MYO15A: variants seen among roughly 807,000 people sequenced by gnomAD.
The protein encoded by MYO15A is unconventional myosin-XV.
MYO15A carries 308 observed loss-of-function variants against 394.6 expected under a neutral mutation model. That is an observed-to-expected ratio of 0.78 (90% CI 0.71 to 0.86). The LOEUF (loss-of-function observed/expected upper bound fraction) is 0.86. Ranked by LOEUF, MYO15A falls within the 40% of genes least tolerant of loss-of-function variation. The pLI is 0.00. For synonymous variants in MYO15A, 1,957 were observed against 2,003.8 expected, an observed-to-expected ratio of 0.98 and a Z score of 0.62; for missense variants, 4,606 against 4,799.1, an observed-to-expected ratio of 0.96 and a Z score of 1.19.
intron 3 of MYO15A, 185 bp downstream of exon 3, chr17:18,124,750 T>A (rs892717351): frequency 1.5e-4 from 97 of 636,622 alleles, no homozygotes; most frequent in Non-Finnish European, 4.1e-5. Flanking sequence ...GTTCAAATCC[T>A]AGCCCCACCA....
rs560173891 is a variant in MYO15A, at chr17:18,158,649, G to A, written c.9083+11G>A. 14 of 1,612,564 alleles carry A rather than the reference G, an allele frequency of 8.7e-6. No individual in the cohort carries two copies. The highest frequency in any genetic ancestry group is 4.4e-5 in the South Asian group (4 of 91,034). ...TCAGAGGAGACCCCAGTGAGTGGCG[G>A]CCCCACCCCTCTTCCCACAGTGGGA... On this transcript the variant is annotated intron_variant, in intron 52 of 65. Transcript: ENST00000647165.
intron 7 of MYO15A, among the ~76,000 whole-genome samples, chr17:18,130,257 A>T (rs1194732481): frequency 1.3e-5 from 2 of 151,714 alleles, no homozygotes; most frequent in African/African-American, 4.9e-5. Context: ...GACGCTGGGG[A>T]CTCAGAGATG....
Position 18,125,237 on chromosome 17 carries a change from G to T in MYO15A, c.3756+6G>T. On this transcript the variant is annotated splice_donor_region_variant and intron_variant, in intron 4 of 65. Coordinates refer to ENST00000647165, the MANE Select transcript of MYO15A (RefSeq NM_016239.4). ...TTGAACGGAACCTCATCTACGTAAG[G>T]CCTGGGGCTGGCCCTGCCCTGGGCC... The T allele has an allele frequency of 1.2e-6, 2 of 1,614,010 alleles. No individual in the cohort carries two copies. The highest frequency in any genetic ancestry group is 8.5e-7 in the Non-Finnish European group (1 of 1,179,988).
Position 18,148,639 on chromosome 17 carries a change from C to A in MYO15A, c.6764+71C>A. ...ATGTTGTGGGGGGAGGTCAGATCCC[C>A]CAGAGGGTCCCATAGGGTCCATTCT... is the stretch of plus-strand genomic sequence containing the variant. On this transcript the variant is annotated intron_variant, in intron 32 of 65. Coordinates refer to ENST00000647165, the MANE Select transcript of MYO15A (RefSeq NM_016239.4). This position sits in a 1 kb window ranked among gnomAD's most constrained non-coding sequence, Gnocchi z 4.8. 6.5e-7 allele frequency: 1 copy of A among 1,546,682 alleles called. No individual in the cohort carries two copies. The highest frequency in any genetic ancestry group is 1.2e-5 in the South Asian group (1 of 83,970).
At chr17:18,151,694 C>A in intron 40 of MYO15A, 152 bp from the exon 41 acceptor site, 1 of 1,132,090 alleles carries the variant, frequency 8.8e-7, no homozygotes, top group Non-Finnish European at 1.3e-6. Context: ...CTAGGTTGTG[C>A]TGTAGGACTT....
intron 63 of MYO15A, 71 bp from the exon 64 acceptor site, chr17:18,172,086 C>T: frequency 6.2e-7 from 1 of 1,610,518 alleles, no homozygotes; most frequent in Non-Finnish European, 8.5e-7. Context: ...AGAAGCTATG[C>T]AGTTCAGGGC....
intron 60 of MYO15A, among the ~76,000 whole-genome samples, chr17:18,165,916 C>T (rs959593083): frequency 4.6e-5 from 7 of 152,194 alleles, no homozygotes; most frequent in South Asian, 2.1e-4. Flanking sequence ...AGGGGTCTCT[C>T]CTGAAGGAGG....
chr17:18,111,751 G>A (rs931454081), intron 1 of MYO15A, among the ~76,000 whole-genome samples: 3 of 152,220 alleles, frequency 2.0e-5, no homozygotes, highest in African/African-American at 4.8e-5. Context: ...TAGCAATGAC[G>A]TTGGCAGTCA....
chr17:18,163,192 T>C, intron 58 of MYO15A, 52 bp from the exon 59 acceptor site: 1 of 1,579,902 alleles, frequency 6.3e-7, no homozygotes, highest in South Asian at 1.1e-5. Flanking sequence ...ACAAGGGCTG[T>C]CCCAGATCCT....
At position 18,131,486 on chromosome 17, in the gene MYO15A, C is replaced by T; in HGVS notation, c.4161C>T (p.Ala1387=). The change falls in exon 10 of 66, where the codon GCC becomes GCT. Residue 1387 remains alanine (A), a synonymous_variant. Transcript: ENST00000647165. ...IFLEGGVISG[A]ITSQYLLEKS... ...ACCCCAGGGGCGTGATCTCTGGTGC[C>T]ATAACCTCCCAGTACCTGCTTGAGA... 6.2e-7 allele frequency: 1 copy of T among 1,613,990 alleles called. No individual in the cohort carries two copies. The highest frequency in any genetic ancestry group is 2.2e-5 in the East Asian group (1 of 44,844).
chr17:18,124,758 C>T, intron 3 of MYO15A, 193 bp downstream of exon 3: 3 of 620,900 alleles, frequency 4.8e-6, no homozygotes, highest in South Asian at 1.9e-5. Context: ...CCTAGCCCCA[C>T]CACTCACCAG....
At chr17:18,127,049 C>G (rs781355804) in intron 6 of MYO15A, 26 bp from the exon 7 acceptor site, 1 of 1,613,662 alleles carries the variant, frequency 6.2e-7, no homozygotes, top group East Asian at 2.2e-5. Flanking sequence ...AAGGTTGGAG[C>G]TCACTCTGCC....
rs1361443272 is a variant in MYO15A, at chr17:18,167,590, G to A, written c.9949G>A (p.Val3317Ile). 6.2e-7 allele frequency: 1 copy of A among 1,602,094 alleles called. No homozygotes were observed. Among genetic ancestry groups the A allele is most frequent in the South Asian group, 1.1e-5 (1 of 91,074 alleles). Reference sequence around the variant, plus strand: ...CCCCTCACCCAGGTGCTCCCTGCAGGTCCTGCCTGACTACCTGAAGGGACT... The same window carrying A: ...CCCCTCACCCAGGTGCTCCCTGCAGATCCTGCCTGACTACCTGAAGGGACT... Reference protein sequence around the residue: ...ELYVTMHYNQVLPDYLKGLFS... With the variant: ...ELYVTMHYNQILPDYLKGLFS... Residue 3317 changes from valine to isoleucine, a missense_variant and splice_region_variant, in exon 62 of 66, where the codon GTC becomes ATC. By Grantham distance (29) the Val-to-Ile change is conservative (BLOSUM62 3). Coordinates refer to ENST00000647165, the MANE Select transcript of MYO15A (RefSeq NM_016239.4).
At position 18,150,513 on chromosome 17, in the gene MYO15A, AC is replaced by A; in HGVS notation, c.7302del (p.Arg2435GlyfsTer35). ...GGGSSSGTEDTPRRPPEPKPI... is the reference protein window; with the variant it reads ...GGGSSSGTEDXPRRPPEPKPI... ...AGGCAGCAGTAGTGGTACTGAAGAC[AC>A]CCCCAGGAGACCCCCAGAGCCAAAG... On this transcript the variant is annotated frameshift_variant, in exon 36 of 66. Transcript: ENST00000647165. LOFTEE classifies it high-confidence loss of function. This position sits in a 1 kb window ranked among gnomAD's most constrained non-coding sequence, Gnocchi z 4.4. 6.2e-7 allele frequency: 1 copy of A among 1,613,974 alleles called. No homozygotes were observed. Among genetic ancestry groups the A allele is most frequent in the Non-Finnish European group, 8.5e-7 (1 of 1,179,964 alleles).
At chr17:18,130,725 G>A (rs1370709917) in intron 7 of MYO15A, 80 bp from the exon 8 acceptor site, 53 of 1,610,226 alleles carry the variant, frequency 3.3e-5, no homozygotes, top group Non-Finnish European at 4.3e-5. Flanking sequence ...GTCTCCTGGA[G>A]AGAGTGGTGG....
Position 18,119,603 on chromosome 17 carries a change from G to GC in MYO15A, c.806dup (p.Ala270GlyfsTer31), listed in dbSNP as rs2045866219. 3 of 1,603,672 alleles carry GC rather than the reference G, an allele frequency of 1.9e-6. No homozygotes were observed. The highest frequency in any genetic ancestry group is 2.5e-6 in the Non-Finnish European group (3 of 1,179,932). On this transcript the variant is annotated frameshift_variant, in exon 2 of 66. Transcript: ENST00000647165. LOFTEE classifies it high-confidence loss of function. Reference sequence around the variant, plus strand: ...TACCTGGCGGGCCTCGGCCCCTACAGCCCGGCCTGGCCACCCTACGGCGAC... The same window carrying GC: ...TACCTGGCGGGCCTCGGCCCCTACAGCCCCGGCCTGGCCACCCTACGGCGAC...
intron 57 of MYO15A, 111 bp from the exon 58 acceptor site, chr17:18,162,474 C>A: frequency 1.0e-6 from 1 of 955,466 alleles, no homozygotes; most frequent in Non-Finnish European, 1.6e-6. Flanking sequence ...TAAATGCCTT[C>A]CCCACAGCTT....
chr17:18,173,686 T>C, intron 64 of MYO15A, 95 bp from the exon 65 acceptor site: 1 of 1,555,492 alleles, frequency 6.4e-7, no homozygotes, highest in African/African-American at 1.4e-5. Context: ...GTGAGTCTCC[T>C]GCCTCCTACA....
chr17:18,121,338 G>A lies in MYO15A; in HGVS notation c.2538G>A (p.Pro846=), dbSNP rs1463694356. The A allele has an allele frequency of 6.4e-6, 9 of 1,398,224 alleles. No homozygotes were observed. Among genetic ancestry groups the A allele is most frequent in the Non-Finnish European group, 6.5e-6 (7 of 1,082,294 alleles). 86.6% of individuals were successfully genotyped at this position (1,398,224 alleles called of 1,614,324 possible). A position where few individuals can be genotyped will look rare whatever the true frequency, so the allele number is the denominator to read the frequency against. The change falls in exon 2 of 66, where the codon CCG becomes CCA. Residue 846 remains proline (P), a synonymous_variant. Coordinates refer to ENST00000647165, the MANE Select transcript of MYO15A (RefSeq NM_016239.4). This position sits in a 1 kb window ranked among gnomAD's most constrained non-coding sequence, Gnocchi z 5.3. ...CGCCGCTGCCGGGCTCACCCAGGCC[G>A]CCCTCGCCGCCCCTGGGGCTCTGCC... ...PGSPLPGSPR[P]PSPPLGLCHS... is the part of the protein sequence containing the mutation.
Sources: allele counts gnomAD v4.1 joint callset (sites outside exome capture counted in the v4.1 genomes callset), GRCh38; gene constraint gnomAD v4.1.1; non-coding constraint Gnocchi (gnomAD v3.1); transcripts MANE v1.5; gene names NCBI Gene and HGNC (gene_info 2026-07-23, HGNC 2026-07-21).